Variants in SCN1A observed in about 807,000 individuals in gnomAD.
The protein encoded by SCN1A is sodium voltage-gated channel alpha subunit 1.
In SCN1A, 13 loss-of-function variants were observed where a neutral mutation model predicts 193.7. That is an observed-to-expected ratio of 0.07 (90% CI 0.04 to 0.11). The LOEUF is 0.11. Ranked by LOEUF, SCN1A falls within the 10% of genes least tolerant of loss-of-function variation. The pLI is 1.00. For missense variants in SCN1A, 1,432 were observed against 2,451.1 expected, an observed-to-expected ratio of 0.58 and a Z score of 8.78; for synonymous variants, 781 against 843.6, an observed-to-expected ratio of 0.93 and a Z score of 1.29.
At chr2:166,050,637 A>ATATG (rs1553548987) in intron 9 of SCN1A, among the ~76,000 whole-genome samples, 4 of 77,212 alleles carry the variant, frequency 5.2e-5, no homozygotes, top group African/African-American at 2.4e-4. Flanking sequence ...ATATATATAT[A>ATATG]TGTGTGTATA....
intron 26 of SCN1A, 104 bp from the exon 27 acceptor site, chr2:165,996,221 A>G (rs1690033232): frequency 1.4e-6 from 1 of 711,516 alleles, no homozygotes; most frequent in African/African-American, 1.8e-5. Context: ...TACAAAATTC[A>G]ACTGATTAGT....
chr2:165,991,704 C>G lies in SCN1A; in HGVS notation c.5571G>C (p.Val1857=). Residue 1857 remains valine (V), a synonymous_variant, in exon 29 of 29, where the codon GTG becomes GTC. Transcript: ENST00000674923. ...CAAGACAGTGGATCCGGTCACCACT[C>G]ACCATGGGCAAATCCATGGCAATGA... The part of the protein sequence containing the change: ...LQLIAMDLPM[V]SGDRIHCLDI... 6.2e-7 allele frequency: 1 copy of G among 1,613,926 alleles called. No individual in the cohort carries two copies.
rs1697170377 is a variant in SCN1A at position 166,041,468 on chromosome 2, T to A, written c.2178A>T (p.Glu726Asp). The change falls in exon 16 of 29, where the codon GAA becomes GAT. Residue 726 changes from glutamate to aspartate, a missense_variant and splice_region_variant. By Grantham distance (45) the Glu-to-Asp change is conservative. Around this residue, in one of 18 missense-constraint regions of SCN1A, gnomAD observed 316 missense variants for 362.1 expected, o/e 0.87. Transcript: ENST00000674923. The part of the protein sequence containing the change: ...IASILTNTVE[E>D]LEESRQKCPP... ...GGCATTTCTGCCTGGATTCTTCAAGTTCTAGATTAAGAAAAAAAAAAAAAA... is the reference window on the plus strand; with the variant it reads ...GGCATTTCTGCCTGGATTCTTCAAGATCTAGATTAAGAAAAAAAAAAAAAA... 2 of 1,550,170 alleles carry A rather than the reference T, an allele frequency of 1.3e-6. No individual in the cohort carries two copies. The highest frequency in any genetic ancestry group is 1.7e-6 in the Non-Finnish European group (2 of 1,144,072).
chr2:166,142,194 G>T (rs1692116794), intron 1 of SCN1A, among the ~76,000 whole-genome samples: 1 of 152,190 alleles, frequency 6.6e-6, no homozygotes. Context: ...ACCTGCTAAA[G>T]AGGGAAAACT....
intron 23 of SCN1A, among the ~76,000 whole-genome samples, chr2:166,006,356 A>T (rs534434633): frequency 6.6e-6 from 1 of 151,314 alleles, no homozygotes; most frequent in South Asian, 2.1e-4. Context: ...TCGAATATAA[A>T]CTCTTCTTCT....
chr2:166,139,858 T>G (rs573329147), intron 1 of SCN1A, among the ~76,000 whole-genome samples: 4 of 152,140 alleles, frequency 2.6e-5, no homozygotes, highest in Non-Finnish European at 5.9e-5. Context: ...GGAGCTACAA[T>G]TCAAGATGAG....
Position 166,139,621 on chromosome 2 carries a change from A to G in SCN1A, c.-50+9426T>C, listed in dbSNP as rs1234445698. 2.6e-5 allele frequency among the ~76,000 whole-genome samples: 4 copies of G among 152,188 alleles called. No individual in the cohort carries two copies. In the East Asian group the frequency reaches 5.8e-4, roughly 22 times the overall value. The stretch of plus-strand genomic sequence containing the variant: ...TTGCCCAGTGTATTAGTTCATTTTC[A>G]TGCTGCTGATAAAGACATACCTGAG... On this transcript the variant is annotated intron_variant, in intron 1 of 26. Coordinates refer to the SCN1A transcript ENST00000635750.
chr2:165,999,711 A>G lies in SCN1A; in HGVS notation c.4338+12T>C, dbSNP rs761062999. 30 of 1,579,204 alleles carry G rather than the reference A, an allele frequency of 1.9e-5. No homozygotes were observed. The highest frequency in any genetic ancestry group is 2.3e-5 in the Non-Finnish European group (27 of 1,149,728). ...ATATTGTAAAAAGACTTAGAATACA[A>G]GGAATACTTACATTTCTGGAATCAA... On this transcript the variant is annotated intron_variant, in intron 25 of 28. Transcript: ENST00000674923.
intron 1 of SCN1A, among the ~76,000 whole-genome samples, chr2:166,135,888 A>G (rs1691836418): frequency 6.6e-6 from 1 of 152,178 alleles, no homozygotes; most frequent in Non-Finnish European, 1.5e-5. Context: ...TGTCTTACCC[A>G]CACCTGAGAA....
chr2:166,096,551 A>G (rs1687402727), intron 2 of SCN1A, among the ~76,000 whole-genome samples: 2 of 152,188 alleles, frequency 1.3e-5, no homozygotes, highest in Non-Finnish European at 2.9e-5. Flanking sequence ...AAGTGCTGGG[A>G]TTACAGGCGT....
intron 2 of SCN1A, among the ~76,000 whole-genome samples, chr2:166,112,387 C>A (rs371619302): frequency 6.6e-6 from 1 of 152,116 alleles, no homozygotes; most frequent in Non-Finnish European, 1.5e-5. Flanking sequence ...TTAAGGTATG[C>A]ACTTTTTTTC....
Position 165,987,575 on chromosome 2 carries a change from T to G in SCN1A, c.*3670A>C, listed in dbSNP as rs976541261. ...ACTTTTCCTTATTTACTTACATCAG[T>G]ATGTATTTGCTGATTCTTATTCAAT... On this transcript the variant is annotated 3_prime_UTR_variant, in exon 29 of 29. Coordinates refer to ENST00000674923, the MANE Select transcript of SCN1A (RefSeq NM_001165963.4). The G allele has an allele frequency of 2.0e-5, 3 of 152,188 alleles. No individual in the cohort carries two copies. Among genetic ancestry groups the G allele is most frequent in the Non-Finnish European group, 4.4e-5 (3 of 68,016 alleles). The allele number at this position is 152,188 out of a possible 1,614,324, so 9.4% of individuals were successfully genotyped here. A position where few individuals can be genotyped will look rare whatever the true frequency, so the allele number is the denominator to read the frequency against.
At chr2:166,039,692 CAAT>C (rs1696903283) in intron 16 of SCN1A, 96 bp from the exon 17 acceptor site, 1 of 1,094,820 alleles carries the variant, frequency 9.1e-7, no homozygotes, top group Admixed American at 2.0e-5. Context: ...TATTTTCCCA[CAAT>C]GATTCTATTA....
At position 165,999,784 on chromosome 2, in the gene SCN1A, G is replaced by A. The variant is rs1386867856; in HGVS notation, c.4285-8C>T. 3 of 1,594,572 alleles carry A rather than the reference G, an allele frequency of 1.9e-6. No individual in the cohort carries two copies. In the South Asian group the frequency reaches 3.3e-5, roughly 18 times the overall value. ...CCATCCTTTGAATGTGGCCTATTAAGAAGGACATGCATGTTTTACTTTGGA... is the reference window on the plus strand; with the variant it reads ...CCATCCTTTGAATGTGGCCTATTAAAAAGGACATGCATGTTTTACTTTGGA... On this transcript the variant is annotated splice_region_variant and splice_polypyrimidine_tract_variant and intron_variant, in intron 24 of 28. Transcript: ENST00000674923.
chr2:166,074,999 C>T (rs1035653464), intron 3 of SCN1A, among the ~76,000 whole-genome samples: 2 of 152,090 alleles, frequency 1.3e-5, no homozygotes, highest in African/African-American at 4.8e-5. Flanking sequence ...TTATTTAGTA[C>T]CTGCAAGAAT....
intron 14 of SCN1A, among the ~76,000 whole-genome samples, chr2:166,042,650 A>T (rs893107686): frequency 6.6e-6 from 1 of 152,222 alleles, no homozygotes; most frequent in Admixed American, 6.5e-5. Flanking sequence ...TCCTGATTTC[A>T]TAATTTTATA....
chr2:166,104,001 T>C (rs1364586814), intron 2 of SCN1A, among the ~76,000 whole-genome samples: 1 of 152,342 alleles, frequency 6.6e-6, no homozygotes, highest in Admixed American at 6.5e-5. Flanking sequence ...GAAATGTATC[T>C]CTGTTCATGG....
chr2:166,007,804 C>A (rs983749638), intron 23 of SCN1A, among the ~76,000 whole-genome samples: 4 of 151,288 alleles, frequency 2.6e-5, no homozygotes, highest in African/African-American at 7.3e-5. Context: ...GCTGCTAGGG[C>A]AAAGAATTAA....
chr2:166,109,404 AT>A (rs1015437133), intron 2 of SCN1A: 5 of 152,164 alleles, frequency 3.3e-5, no homozygotes, highest in African/African-American at 1.2e-4. Flanking sequence ...TTTAGAAAAT[AT>A]TTTATATACT....
Sources: allele counts gnomAD v4.1 joint callset (sites outside exome capture counted in the v4.1 genomes callset), GRCh38; gene constraint gnomAD v4.1.1; regional missense constraint gnomAD v4.1.1; transcripts MANE v1.5; gene names NCBI Gene and HGNC (gene_info 2026-07-23, HGNC 2026-07-21).